Variants in IFNA5 observed in about 807,000 individuals in gnomAD.
IFNA5 encodes interferon alpha-5.
For missense variants in IFNA5, 267 were observed against 213.8 expected, an observed-to-expected ratio of 1.25 and a Z score of -1.55; for synonymous variants, 95 against 77.6, an observed-to-expected ratio of 1.22 and a Z score of -1.18.
chr9:21,305,098 C>T lies in IFNA5; in HGVS notation c.159G>A (p.Leu53=). Residue 53 remains leucine (L), a synonymous_variant, in exon 1 of 1, where the codon CTG becomes CTA. Coordinates refer to ENST00000610521, the MANE Select transcript of IFNA5 (RefSeq NM_002169.3). ...GAAATCCAAAGTCATGTCTGTCCTT[C>T]AGGCAGGAGAAAGGAGAGATTCTTC... ...QMGRISPFSC[L]KDRHDFGFPQ... 1 of 1,614,222 alleles carries T rather than the reference C, an allele frequency of 6.2e-7. No individual in the cohort carries two copies. The highest frequency in any genetic ancestry group is 8.5e-7 in the Non-Finnish European group (1 of 1,180,042).
rs1819833668 is a variant in IFNA5 at position 21,305,301 on chromosome 9, C to G, written c.-45G>C. 5 of 1,493,268 alleles carry G rather than the reference C, an allele frequency of 3.3e-6. No homozygotes were observed. The highest frequency in any genetic ancestry group is 4.5e-6 in the Non-Finnish European group (5 of 1,109,328). 92.5% of individuals were successfully genotyped at this position (1,493,268 alleles called of 1,614,324 possible). On this transcript the variant is annotated 5_prime_UTR_variant, in exon 1 of 1. Coordinates refer to ENST00000610521, the MANE Select transcript of IFNA5 (RefSeq NM_002169.3). ...TCTGGGCTGTTGAGATTGAGTGACC[C>G]TGAACCTTGGGCTCTTCTCTGAAGA...
Position 21,305,117 on chromosome 9 carries a change from A to G in IFNA5, c.140T>C (p.Ile47Thr). ...TLMIMAQMGR[I>T]SPFSCLKDRH... ...GTCCTTCAGGCAGGAGAAAGGAGAG[A>G]TTCTTCCCATTTGTGCCATTATCAT... The change falls in exon 1 of 1, where the codon ATC (isoleucine) becomes ACC (threonine). Residue 47 changes from isoleucine to threonine, a missense_variant. By Grantham distance (89) the Ile-to-Thr change is moderately conservative. Coordinates refer to ENST00000610521, the MANE Select transcript of IFNA5 (RefSeq NM_002169.3). 6.2e-7 allele frequency: 1 copy of G among 1,614,168 alleles called. No individual in the cohort carries two copies. Among genetic ancestry groups the G allele is most frequent in the South Asian group, 1.1e-5 (1 of 91,084 alleles).
rs140371188 is a variant in IFNA5, at chr9:21,304,892, C to G, written c.365G>C (p.Cys122Ser). The G allele has an allele frequency of 4.1e-3, 6,595 of 1,614,176 alleles. 23 individuals are homozygous for G. The highest frequency in any genetic ancestry group is 5.0e-3 in the Non-Finnish European group (5,865 of 1,180,038). The stretch of plus-strand genomic sequence containing the variant: ...TTCCACTCCAACCTCCTGCATCATA[C>G]AGGCTTCCAGGTCATTCAGCTGCTG... ...LYQQLNDLEA[C>S]MMQEVGVEDT... Residue 122 changes from cysteine to serine, a missense_variant, in exon 1 of 1, where the codon TGT becomes TCT. Transcript: ENST00000610521.
Position 21,305,015 on chromosome 9 carries a change from T to C in IFNA5, c.242A>G (p.His81Arg). Residue 81 changes from histidine to arginine, a missense_variant, in exon 1 of 1, where the codon CAT (histidine) becomes CGT (arginine). His to Arg is a conservative substitution (Grantham distance 29). Coordinates refer to ENST00000610521, the MANE Select transcript of IFNA5 (RefSeq NM_002169.3). ...FQKAQAISVL[H>R]EMIQQTFNLF... ...ATTGAAGGTCTGCTGGATCATCTCA[T>C]GGAGGACAGAGATGGCTTGAGCCTT... The C allele has an allele frequency of 6.2e-7, 1 of 1,614,212 alleles. No homozygotes were observed. The highest frequency in any genetic ancestry group is 8.5e-7 in the Non-Finnish European group (1 of 1,180,034).
rs759938906 is a variant in IFNA5 at position 21,304,709 on chromosome 9, T to C, written c.548A>G (p.Glu183Gly). 1 of 1,612,998 alleles carries C rather than the reference T, an allele frequency of 6.2e-7. No individual in the cohort carries two copies. Among genetic ancestry groups the C allele is most frequent in the Admixed American group, 1.7e-5 (1 of 59,688 alleles). Reference sequence around the variant, plus strand: ...TTTTCATTCCTTCCTCCTTAATCTTTCTTGCAAGTTTGCTGATAAAGAGAA... The same window carrying C: ...TTTTCATTCCTTCCTCCTTAATCTTCCTTGCAAGTTTGCTGATAAAGAGAA... ...RSFSLSANLQ[E>G]RLRRKE Residue 183 changes from glutamate to glycine, a missense_variant, in exon 1 of 1, where the codon GAA (glutamate) becomes GGA (glycine). Physicochemically the swap from Glu to Gly is moderately conservative, Grantham distance 98. Transcript: ENST00000610521.
Position 21,304,807 on chromosome 9 carries a change from G to T in IFNA5, c.450C>A (p.Ile150=). ...ILTVRKYFQR[I]TLYLTEKKYS... ...ATTTCTTCTCTGTCAGATAGAGGGT[G>T]ATTCTTTGAAAGTATTTTCTCACAG... The change falls in exon 1 of 1, where the codon ATC becomes ATA. Residue 150 remains isoleucine (I), a synonymous_variant. Transcript: ENST00000610521. 1 of 1,614,162 alleles carries T rather than the reference G, an allele frequency of 6.2e-7. No individual in the cohort carries two copies. The highest frequency in any genetic ancestry group is 2.2e-5 in the East Asian group (1 of 44,890).
rs551298754 is a variant in IFNA5, at chr9:21,305,181, G to A, written c.76C>T (p.Leu26=). The A allele has an allele frequency of 6.2e-7, 1 of 1,613,638 alleles. No individual in the cohort carries two copies. Among genetic ancestry groups the A allele is most frequent in the African/African-American group, 1.3e-5 (1 of 75,014 alleles). Residue 26 remains leucine (L), a synonymous_variant, in exon 1 of 1, where the codon CTG becomes TTG. Coordinates refer to ENST00000610521, the MANE Select transcript of IFNA5 (RefSeq NM_002169.3). ...TTACTCAGGCTGTGGGTCTGAGGCA[G>A]ATCACAGCCCAGAGAACAGATTGAC... The part of the protein sequence containing the change: ...CKSICSLGCD[L]PQTHSLSNRR...
the IFNA5 span, chr9:21,304,774 A>AGG: frequency 6.2e-7 from 1 of 1,614,136 alleles, no homozygotes; most frequent in Non-Finnish European, 8.5e-7. Context: ...CCCATGCACA[A>AGG]GGGCTGTATT....
Position 21,304,718 on chromosome 9 carries a change from T to C in IFNA5, c.539A>G (p.Asn180Ser), listed in dbSNP as rs1335529160. The C allele has an allele frequency of 6.2e-7, 1 of 1,612,276 alleles. No homozygotes were observed. Among genetic ancestry groups the C allele is most frequent in the South Asian group, 1.1e-5 (1 of 90,412 alleles). ...EIMRSFSLSANLQERLRRKE is the reference protein window; with the variant it reads ...EIMRSFSLSASLQERLRRKE The stretch of plus-strand genomic sequence containing the variant: ...CTTCCTCCTTAATCTTTCTTGCAAG[T>C]TTGCTGATAAAGAGAAGGATCTCAT... Residue 180 changes from asparagine to serine, a missense_variant, in exon 1 of 1, where the codon AAC (asparagine) becomes AGC (serine). Transcript: ENST00000610521.
Position 21,304,773 on chromosome 9 carries a change from A to C in IFNA5, c.484T>G (p.Cys162Gly), listed in dbSNP as rs778611433. 1 of 1,614,138 alleles carries C rather than the reference A, an allele frequency of 6.2e-7. No individual in the cohort carries two copies. The highest frequency in any genetic ancestry group is 1.7e-5 in the Admixed American group (1 of 60,012). Residue 162 changes from cysteine to glycine, a missense_variant, in exon 1 of 1, where the codon TGT becomes GGT. Transcript: ENST00000610521. ...TCTGCTCTGACAACCTCCCATGCAC[A>C]AGGGCTGTATTTCTTCTCTGTCAGA... is the stretch of plus-strand genomic sequence containing the variant. ...LYLTEKKYSP[C>G]AWEVVRAEIM...
chr9:21,304,810 T>A lies in IFNA5; in HGVS notation c.447A>T (p.Arg149Ser). Residue 149 changes from arginine to serine, a missense_variant, in exon 1 of 1, where the codon AGA becomes AGT. By Grantham distance (110) the Arg-to-Ser change is moderately radical. Coordinates refer to ENST00000610521, the MANE Select transcript of IFNA5 (RefSeq NM_002169.3). ...SILTVRKYFQ[R>S]ITLYLTEKKY... ...TCTTCTCTGTCAGATAGAGGGTGAT[T>A]CTTTGAAAGTATTTTCTCACAGTCA... 1.9e-6 allele frequency: 3 copies of A among 1,614,192 alleles called. No homozygotes were observed. Among genetic ancestry groups the A allele is most frequent in the Non-Finnish European group, 2.5e-6 (3 of 1,180,030 alleles).
In IFNA5 at chr9:21,305,278, T is replaced by G; in HGVS notation, c.-22A>C. On this transcript the variant is annotated 5_prime_UTR_variant, in exon 1 of 1. Coordinates refer to ENST00000610521, the MANE Select transcript of IFNA5 (RefSeq NM_002169.3). ...CCATTGGGGAGGTTGCAGATGCTTC[T>G]GGGCTGTTGAGATTGAGTGACCCTG... 1.3e-6 allele frequency: 2 copies of G among 1,553,070 alleles called. No individual in the cohort carries two copies. Among genetic ancestry groups the G allele is most frequent in the Non-Finnish European group, 1.7e-6 (2 of 1,153,650 alleles).
At position 21,305,090 on chromosome 9, in the gene IFNA5, C is replaced by T. The variant is rs1369977817; in HGVS notation, c.167G>A (p.Arg56Lys). The T allele has an allele frequency of 6.2e-7, 1 of 1,614,224 alleles. No homozygotes were observed. The part of the protein sequence containing the change: ...RISPFSCLKD[R>K]HDFGFPQEEF... ...CTCCTGAGGAAATCCAAAGTCATGT[C>T]TGTCCTTCAGGCAGGAGAAAGGAGA... The change falls in exon 1 of 1, where the codon AGA becomes AAA. Residue 56 changes from arginine to lysine, a missense_variant. By Grantham distance (26) the Arg-to-Lys change is conservative. Coordinates refer to ENST00000610521, the MANE Select transcript of IFNA5 (RefSeq NM_002169.3).
In IFNA5 at chr9:21,305,138, A is replaced by G. The variant is rs367978710; in HGVS notation, c.119T>C (p.Ile40Thr). ...AGAGATTCTTCCCATTTGTGCCATT[A>G]TCATCAAAGTCCTCCTGTTACTCAG... ...HSLSNRRTLM[I>T]MAQMGRISPF... is the part of the protein sequence containing the mutation. The change falls in exon 1 of 1, where the codon ATA becomes ACA. Residue 40 changes from isoleucine to threonine, a missense_variant. Transcript: ENST00000610521. 2.5e-6 allele frequency: 4 copies of G among 1,614,066 alleles called. No individual in the cohort carries two copies. In the African/African-American group the frequency reaches 4.0e-5, roughly 16 times the overall value.
rs1467917703 is a variant in IFNA5 at position 21,304,825 on chromosome 9, T to A, written c.432A>T (p.Arg144Ser). The A allele has an allele frequency of 6.2e-7, 1 of 1,614,188 alleles. No homozygotes were observed. Among genetic ancestry groups the A allele is most frequent in the Non-Finnish European group, 8.5e-7 (1 of 1,180,026 alleles). The change falls in exon 1 of 1, where the codon AGA becomes AGT. Residue 144 changes from arginine to serine, a missense_variant. Arg to Ser is a moderately radical substitution (Grantham distance 110). Coordinates refer to ENST00000610521, the MANE Select transcript of IFNA5 (RefSeq NM_002169.3). ...LMNVDSILTV[R>S]KYFQRITLYL... ...AGAGGGTGATTCTTTGAAAGTATTT[T>A]CTCACAGTCAGGATAGAGTCCACAT...
chr9:21,304,749 C>T lies in IFNA5; in HGVS notation c.508G>A (p.Glu170Lys). Residue 170 changes from glutamate (E) to lysine (K), a missense_variant, in exon 1 of 1, where the codon GAA becomes AAA. By Grantham distance (56) the Glu-to-Lys change is moderately conservative. Transcript: ENST00000610521. The stretch of plus-strand genomic sequence containing the variant: ...GATAAAGAGAAGGATCTCATGATTT[C>T]TGCTCTGACAACCTCCCATGCACAA... The part of the protein sequence containing the change: ...SPCAWEVVRA[E>K]IMRSFSLSAN... The T allele has an allele frequency of 6.2e-7, 1 of 1,613,782 alleles. No individual in the cohort carries two copies. Among genetic ancestry groups the T allele is most frequent in the Non-Finnish European group, 8.5e-7 (1 of 1,179,944 alleles).
In IFNA5 at chr9:21,305,086, A is replaced by G. The variant is rs768371402; in HGVS notation, c.171T>C (p.His57=). 4 of 1,614,206 alleles carry G rather than the reference A, an allele frequency of 2.5e-6. No homozygotes were observed. The highest frequency in any genetic ancestry group is 3.4e-6 in the Non-Finnish European group (4 of 1,180,040). The change falls in exon 1 of 1, where the codon CAT becomes CAC. Residue 57 remains histidine, a synonymous_variant. Coordinates refer to ENST00000610521, the MANE Select transcript of IFNA5 (RefSeq NM_002169.3). ...ISPFSCLKDR[H]DFGFPQEEFD... The stretch of plus-strand genomic sequence containing the variant: ...ACTCCTCCTGAGGAAATCCAAAGTC[A>G]TGTCTGTCCTTCAGGCAGGAGAAAG...
At position 21,304,596 on chromosome 9, in the gene IFNA5, A is replaced by G. The variant is rs1462035102; in HGVS notation, c.*91T>C. The G allele has an allele frequency of 2.8e-6, 4 of 1,407,222 alleles. No individual in the cohort carries two copies. The highest frequency in any genetic ancestry group is 2.2e-5 in the Admixed American group (1 of 44,830). 87.2% of individuals were successfully genotyped at this position (1,407,222 alleles called of 1,614,324 possible). A position where few individuals can be genotyped will look rare whatever the true frequency, so the allele number is the denominator to read the frequency against. On this transcript the variant is annotated 3_prime_UTR_variant, in exon 1 of 1. Coordinates refer to ENST00000610521, the MANE Select transcript of IFNA5 (RefSeq NM_002169.3). Reference sequence around the variant, plus strand: ...TTTTGATTCAACTCAAGTCATGGATATAGCAGAAATTAATATTTGAAACGG... The same window carrying G: ...TTTTGATTCAACTCAAGTCATGGATGTAGCAGAAATTAATATTTGAAACGG...
Position 21,304,612 on chromosome 9 carries a change from T to A in IFNA5, c.*75A>T. On this transcript the variant is annotated 3_prime_UTR_variant, in exon 1 of 1. Coordinates refer to ENST00000610521, the MANE Select transcript of IFNA5 (RefSeq NM_002169.3). Reference sequence around the variant, plus strand: ...GTCATGGATATAGCAGAAATTAATATTTGAAACGGCAGAACTCAAGAAGTG... The same window carrying A: ...GTCATGGATATAGCAGAAATTAATAATTGAAACGGCAGAACTCAAGAAGTG... The A allele has an allele frequency of 6.8e-7, 1 of 1,479,226 alleles. No individual in the cohort carries two copies. Among genetic ancestry groups the A allele is most frequent in the Non-Finnish European group, 9.1e-7 (1 of 1,094,928 alleles). The allele number at this position is 1,479,226 out of a possible 1,614,324, so 91.6% of individuals were successfully genotyped here.
Sources: allele counts gnomAD v4.1 joint callset, GRCh38; gene constraint gnomAD v4.1.1; transcripts MANE v1.5; gene names NCBI Gene and HGNC (gene_info 2026-07-23, HGNC 2026-07-21).